The following HMGCLL1 variants were observed in gnomAD, a reference collection of about 807,000 sequenced individuals.
The protein encoded by HMGCLL1 is 3-hydroxy-3-methylglutaryl-CoA lyase like 1, also known as 3-hydroxymethyl-3-methylglutaryl-CoA lyase, cytoplasmic.
Under a neutral mutation model 39.1 loss-of-function variants are expected in HMGCLL1, and 36 were observed. The observed-to-expected ratio is 0.92, with a 90% CI of 0.71 to 1.22. HMGCLL1 has a LOEUF of 1.22. Ranked by LOEUF, HMGCLL1 falls within the 50% of genes most tolerant of loss-of-function variation. HMGCLL1 has a pLI of 0.00. For missense variants in HMGCLL1, 451 were observed against 416.5 expected (o/e 1.08, Z -0.72); for synonymous variants, 149 against 144.0 (o/e 1.03, Z -0.25).
At chr6:55,588,876 T>C in the HMGCLL1 span, among the ~76,000 whole-genome samples, 1 of 152,194 alleles carries the variant, frequency 6.6e-6, no homozygotes, top group Non-Finnish European at 1.5e-5. Context: ...AATCTCTGAA[T>C]AGACCAATAA....
chr6:55,676,978 G>A, the HMGCLL1 span, among the ~76,000 whole-genome samples: 1 of 152,198 alleles, frequency 6.6e-6, no homozygotes, highest in South Asian at 2.1e-4. Context: ...CTAGCACATA[G>A]TTATAGTTGT....
intron 7 of HMGCLL1, among the ~76,000 whole-genome samples, chr6:55,457,843 C>T: frequency 6.6e-6 from 1 of 152,060 alleles, no homozygotes; most frequent in Non-Finnish European, 1.5e-5. Flanking sequence ...AGTCACACAT[C>T]CATCTGTGGA....
rs149254473 is a variant in HMGCLL1, at chr6:55,511,575, A to G, written c.542+2473T>C. Among the ~76,000 whole-genome samples, 29 of 152,158 alleles carry G rather than the reference A, an allele frequency of 1.9e-4. No individual in the cohort carries two copies. In the East Asian group the frequency reaches 5.2e-3, roughly 27 times the overall value. Reference sequence around the variant, plus strand: ...TTAAAGCTGACAACTGACGACATAAATTTTCTGGATGATTATCAAGTATAT... The same window carrying G: ...TTAAAGCTGACAACTGACGACATAAGTTTTCTGGATGATTATCAAGTATAT... On this transcript the variant is annotated intron_variant, in intron 5 of 8. Transcript: ENST00000274901.
At chr6:55,504,436 C>A (rs921713693) in intron 5 of HMGCLL1, among the ~76,000 whole-genome samples, 1 of 151,610 alleles carries the variant, frequency 6.6e-6, no homozygotes, top group Admixed American at 6.6e-5. Flanking sequence ...TATTTTCATA[C>A]ATATTTTATT....
intron 7 of HMGCLL1, among the ~76,000 whole-genome samples, chr6:55,477,445 T>TA (rs1765506544): frequency 8.3e-5 from 4 of 48,312 alleles, no homozygotes; most frequent in African/African-American, 3.3e-4. Flanking sequence ...ATATTATATA[T>TA]ATAATATATT....
chr6:55,579,920 C>A (rs1172462889), upstream of HMGCLL1, among the ~76,000 whole-genome samples: 1 of 152,196 alleles, frequency 6.6e-6, no homozygotes, highest in African/African-American at 2.4e-5. Flanking sequence ...CCTTCCCCCC[C>A]TCACTTTCAC....
intron 3 of HMGCLL1, among the ~76,000 whole-genome samples, chr6:55,531,494 T>G (rs1246581890): frequency 6.6e-6 from 1 of 152,098 alleles, no homozygotes; most frequent in Non-Finnish European, 1.5e-5. Flanking sequence ...AACACGGCTT[T>G]GAAAGGTTTT....
At chr6:55,629,636 G>A in the HMGCLL1 span, among the ~76,000 whole-genome samples, 64 of 152,288 alleles carry the variant, frequency 4.2e-4, no homozygotes, top group African/African-American at 1.3e-3. Flanking sequence ...CAGGCTTGGA[G>A]GCCTAGGAAG....
chr6:55,658,962 G>C, the HMGCLL1 span, among the ~76,000 whole-genome samples: 1 of 151,886 alleles, frequency 6.6e-6, no homozygotes, highest in Non-Finnish European at 1.5e-5. Context: ...CTTCTGTGTG[G>C]AGAATGAACT....
intron 1 of HMGCLL1, among the ~76,000 whole-genome samples, chr6:55,552,642 T>C (rs1370261598): frequency 6.6e-6 from 1 of 152,002 alleles, no homozygotes; most frequent in Non-Finnish European, 1.5e-5. Flanking sequence ...ATTTTTTGTT[T>C]ATTTATTCAT....
intron 3 of HMGCLL1, among the ~76,000 whole-genome samples, chr6:55,521,791 T>C (rs1258901974): frequency 6.6e-6 from 1 of 152,028 alleles, no homozygotes; most frequent in East Asian, 1.9e-4. Flanking sequence ...AAATGGCCTG[T>C]AATGTTCAAG....
At chr6:55,513,733 T>C in intron 5 of HMGCLL1, 1 of 332,030 alleles carries the variant, frequency 3.0e-6, no homozygotes, top group Non-Finnish European at 5.3e-6. Flanking sequence ...TACCAACTTA[T>C]CAGCACATGT....
intron 1 of HMGCLL1, among the ~76,000 whole-genome samples, chr6:55,578,734 G>A (rs572579252): frequency 1.3e-5 from 2 of 152,370 alleles, no homozygotes; most frequent in East Asian, 1.9e-4. Context: ...ATTTTGCAGG[G>A]TCTGATCTGT....
chr6:55,565,082 A>G (rs957203114), intron 1 of HMGCLL1, among the ~76,000 whole-genome samples: 10 of 152,060 alleles, frequency 6.6e-5, no homozygotes, highest in African/African-American at 1.9e-4. Flanking sequence ...TTATCTTCCA[A>G]TGAGTACTAG....
chr6:55,641,966 G>A, the HMGCLL1 span, among the ~76,000 whole-genome samples: 1 of 139,548 alleles, frequency 7.2e-6, no homozygotes. Flanking sequence ...GTGCAGGTTA[G>A]TTACATATGT....
intron 3 of HMGCLL1, among the ~76,000 whole-genome samples, chr6:55,522,872 T>G (rs151314046): frequency 0.011 from 1,656 of 152,112 alleles, 7 homozygotes; most frequent in Non-Finnish European, 0.016. Context: ...TTTAACTGTG[T>G]GATGGGGTGG....
At chr6:55,536,183 T>C (rs1054180049) in intron 3 of HMGCLL1, among the ~76,000 whole-genome samples, 1 of 152,156 alleles carries the variant, frequency 6.6e-6, no homozygotes, top group Non-Finnish European at 1.5e-5. Context: ...GACTTGAAAA[T>C]AATTATTTGT....
chr6:55,513,178 T>C (rs1767552148), intron 5 of HMGCLL1: 1 of 152,150 alleles, frequency 6.6e-6, no homozygotes, highest in Admixed American at 6.6e-5. Flanking sequence ...AACCCCAAAA[T>C]AGTGAACTCA....
intron 1 of HMGCLL1, among the ~76,000 whole-genome samples, chr6:55,562,880 T>C (rs1486306499): frequency 6.6e-6 from 1 of 152,032 alleles, no homozygotes. Flanking sequence ...CAGTTCCTAA[T>C]TTCTCTTTGG....
Sources: allele counts gnomAD v4.1 joint callset (sites outside exome capture counted in the v4.1 genomes callset), GRCh38; gene constraint gnomAD v4.1.1; transcripts MANE v1.5; gene names NCBI Gene and HGNC (gene_info 2026-07-23, HGNC 2026-07-21).